Variants in GPR180 observed in about 807,000 individuals in gnomAD.
GPR180 encodes the protein G protein-coupled receptor 180.
In GPR180, 53 loss-of-function variants were observed where a neutral mutation model predicts 52.6. The observed-to-expected ratio is 1.01, with a 90% confidence interval of 0.81 to 1.27. The LOEUF is 1.27. Among genes scored for constraint, GPR180 ranks in the 50% most tolerant of loss-of-function variants. The pLI, the probability that GPR180 is intolerant of heterozygous loss-of-function variation, is 0.00. For missense variants in GPR180, 533 were observed against 527.0 expected (o/e 1.01, Z -0.11); for synonymous variants, 200 against 193.1 (o/e 1.04, Z -0.30).
chr13:94,619,481 G>T lies in GPR180; in HGVS notation c.700G>T (p.Gly234Ter), dbSNP rs764524287. The change falls in exon 5 of 9, where the codon GGA becomes TGA. Residue 234 changes from glycine to a stop codon, truncating the protein, a stop_gained. Transcript: ENST00000376958. LOFTEE classifies it high-confidence loss of function. ...YIHFSSYSKD[G>*]IGVPFMGSLA... is the part of the protein sequence containing the mutation. ...TCAATTCCTCAGTTACTCCAAAGATGGAATAGGGGTACCATTTATGGGAAG... is the reference window on the plus strand; with the variant it reads ...TCAATTCCTCAGTTACTCCAAAGATTGAATAGGGGTACCATTTATGGGAAG... 3.1e-6 allele frequency: 5 copies of T among 1,613,148 alleles called. No individual in the cohort carries two copies. Among genetic ancestry groups the T allele is most frequent in the Non-Finnish European group, 8.5e-7 (1 of 1,179,578 alleles).
At position 94,633,949 on chromosome 13, in the gene GPR180, A is replaced by G. The variant is rs1429678274; in HGVS notation, c.*6778A>G. 1 of 152,122 alleles carries G rather than the reference A, an allele frequency of 6.6e-6. No homozygotes were observed. The highest frequency in any genetic ancestry group is 1.9e-4 in the East Asian group (1 of 5,198). 9.4% of individuals were successfully genotyped at this position (152,122 alleles called of 1,614,324 possible). Reference sequence around the variant, plus strand: ...TGCAATATCATGTGTTATATAATCCATCTTTACTGATTCGTTGCTAATTGG... The same window carrying G: ...TGCAATATCATGTGTTATATAATCCGTCTTTACTGATTCGTTGCTAATTGG... On this transcript the variant is annotated 3_prime_UTR_variant, in exon 9 of 9. Coordinates refer to ENST00000376958, the MANE Select transcript of GPR180 (RefSeq NM_180989.6).
Position 94,631,688 on chromosome 13 carries a change from A to C in GPR180, c.*4517A>C, listed in dbSNP as rs1890000854. On this transcript the variant is annotated 3_prime_UTR_variant, in exon 9 of 9. Transcript: ENST00000376958. Reference sequence around the variant, plus strand: ...CTGAAAAAGTTCCAAATCTGTACTTAACAGTGTAGTATTAATTATGTAATA... The same window carrying C: ...CTGAAAAAGTTCCAAATCTGTACTTCACAGTGTAGTATTAATTATGTAATA... The C allele has an allele frequency of 6.6e-6, 1 of 150,702 alleles. No homozygotes were observed. Among genetic ancestry groups the C allele is most frequent in the Non-Finnish European group, 1.5e-5 (1 of 67,824 alleles). 9.3% of individuals were successfully genotyped at this position (150,702 alleles called of 1,614,324 possible).
chr13:94,621,315 C>T, intron 6 of GPR180, 80 bp downstream of exon 6: 1 of 1,122,332 alleles, frequency 8.9e-7, no homozygotes, highest in Non-Finnish European at 1.2e-6. Context: ...AGAATTGAAA[C>T]CTGGGACCCA....
At chr13:94,619,858 A>G (rs1889830403) in intron 5 of GPR180, among the ~76,000 whole-genome samples, 1 of 152,068 alleles carries the variant, frequency 6.6e-6, no homozygotes, top group South Asian at 2.1e-4. Flanking sequence ...AGCTGGGATT[A>G]CAGGCACATA....
At position 94,621,195 on chromosome 13, in the gene GPR180, C is replaced by T. The variant is rs1360625503; in HGVS notation, c.854C>T (p.Pro285Leu). 3 of 1,609,030 alleles carry T rather than the reference C, an allele frequency of 1.9e-6. No homozygotes were observed. Among genetic ancestry groups the T allele is most frequent in the Admixed American group, 1.7e-5 (1 of 57,884 alleles). The change falls in exon 6 of 9, where the codon CCT becomes CTT. Residue 285 changes from proline (P) to leucine (L), a missense_variant. Physicochemically the swap from Pro to Leu is moderately conservative, Grantham distance 98. Coordinates refer to ENST00000376958, the MANE Select transcript of GPR180 (RefSeq NM_180989.6). ...QSRPLQWDST[P>L]ASTGIAVFIV... ...AGACCTCTCCAGTGGGATTCTACGC[C>T]TGCATCCACTGGCATTGCAGTATTC...
At chr13:94,622,417 T>C (rs928267515) in intron 6 of GPR180, among the ~76,000 whole-genome samples, 2 of 152,208 alleles carry the variant, frequency 1.3e-5, no homozygotes, top group African/African-American at 2.4e-5. Context: ...TGAACATTTA[T>C]GAAGAATACA....
At chr13:94,612,451 C>G in intron 3 of GPR180, 61 bp downstream of exon 3, 2 of 1,224,588 alleles carry the variant, frequency 1.6e-6, no homozygotes, top group Admixed American at 2.1e-5. Flanking sequence ...CAAATATATT[C>G]ATGTTGTATT....
Position 94,629,896 on chromosome 13 carries a change from CCTAT to C in GPR180, c.*2731_*2734del, listed in dbSNP as rs1399963739. On this transcript the variant is annotated 3_prime_UTR_variant, in exon 9 of 9. Coordinates refer to ENST00000376958, the MANE Select transcript of GPR180 (RefSeq NM_180989.6). ...CATCTCTAAAATAATGAGACTAGAA[CCTAT>C]CTATCAACATGAACATGGGCTCCTT... is the stretch of plus-strand genomic sequence containing the variant. 6.6e-6 allele frequency: 1 copy of C among 152,154 alleles called. No individual in the cohort carries two copies. The highest frequency in any genetic ancestry group is 1.5e-5 in the Non-Finnish European group (1 of 68,032). The allele number at this position is 152,154 out of a possible 1,614,324, so 9.4% of individuals were successfully genotyped here.
intron 3 of GPR180, among the ~76,000 whole-genome samples, chr13:94,617,516 T>C (rs991070148): frequency 6.6e-6 from 1 of 152,190 alleles, no homozygotes; most frequent in Non-Finnish European, 1.5e-5. Context: ...AGTCTAAACA[T>C]GCTTTTTCAC....
chr13:94,606,129 T>C (rs184540525), intron 2 of GPR180, among the ~76,000 whole-genome samples: 26 of 152,234 alleles, frequency 1.7e-4, no homozygotes, highest in African/African-American at 6.0e-4. Flanking sequence ...CCGTCTCTAC[T>C]AAAAATACAG....
intron 3 of GPR180, among the ~76,000 whole-genome samples, chr13:94,615,820 T>C (rs1394449993): frequency 6.6e-6 from 1 of 152,252 alleles, no homozygotes; most frequent in Non-Finnish European, 1.5e-5. Context: ...TCTTTAGTGT[T>C]ATCCCTTTTT....
At chr13:94,625,363 T>C (rs2138570298) in intron 7 of GPR180, among the ~76,000 whole-genome samples, 1 of 152,332 alleles carries the variant, frequency 6.6e-6, no homozygotes, top group East Asian at 1.9e-4. Context: ...TCTTGTTTTT[T>C]TCTCCCTATA....
intron 1 of GPR180, among the ~76,000 whole-genome samples, chr13:94,605,161 T>A (rs946079064): frequency 3.3e-5 from 5 of 152,234 alleles, no homozygotes; most frequent in African/African-American, 1.2e-4. Context: ...GTTTATTGAG[T>A]GAAATATCAG....
intron 2 of GPR180, among the ~76,000 whole-genome samples, chr13:94,609,919 A>G (rs75841958): frequency 0.011 from 1,614 of 152,324 alleles, 35 homozygotes; most frequent in African/African-American, 0.036. Context: ...CTACATCTGT[A>G]TCTCATTCCT....
intron 7 of GPR180, among the ~76,000 whole-genome samples, chr13:94,624,909 G>A (rs1889905970): frequency 6.6e-6 from 1 of 151,754 alleles, no homozygotes; most frequent in South Asian, 2.1e-4. Context: ...TCGGCTCACT[G>A]CAACTTCCAT....
chr13:94,626,689 T>C (rs1247806302), intron 8 of GPR180, among the ~76,000 whole-genome samples: 3 of 152,170 alleles, frequency 2.0e-5, no homozygotes, highest in Non-Finnish European at 4.4e-5. Flanking sequence ...TTTATTCCTG[T>C]TCCTAAATTA....
At chr13:94,618,001 C>T (rs955074017) in intron 3 of GPR180, among the ~76,000 whole-genome samples, 1 of 152,108 alleles carries the variant, frequency 6.6e-6, no homozygotes, top group African/African-American at 2.4e-5. Flanking sequence ...AAAGATTGCA[C>T]GTGAACACAG....
intron 2 of GPR180, 45 bp from the exon 3 acceptor site, chr13:94,612,145 C>T (rs1176424881): frequency 4.8e-6 from 7 of 1,455,782 alleles, no homozygotes; most frequent in Non-Finnish European, 6.7e-6. Flanking sequence ...CAGTGAAACA[C>T]ATTTGAGAAT....
chr13:94,608,268 A>G (rs907525641), intron 2 of GPR180, among the ~76,000 whole-genome samples: 3 of 152,206 alleles, frequency 2.0e-5, no homozygotes, highest in Non-Finnish European at 2.9e-5. Flanking sequence ...AGGTGTCCCT[A>G]AGGTTCATGA....
Sources: allele counts gnomAD v4.1 joint callset (sites outside exome capture counted in the v4.1 genomes callset), GRCh38; gene constraint gnomAD v4.1.1; transcripts MANE v1.5; gene names NCBI Gene and HGNC (gene_info 2026-07-23, HGNC 2026-07-21).